The following PRUNE2 variants were observed in gnomAD, a reference collection of about 807,000 sequenced individuals.
PRUNE2 encodes prune homolog 2 with BCH domain, also known as protein prune homolog 2.
PRUNE2 carries 164 observed loss-of-function variants against 252.0 expected under a neutral mutation model. The observed-to-expected ratio is 0.65, with a 90% CI of 0.57 to 0.74. The LOEUF is 0.74. PRUNE2 is among the 30% of genes least tolerant of loss of function. The pLI, the probability that PRUNE2 is intolerant of heterozygous loss-of-function variation, is 0.00. For missense variants in PRUNE2, 3,495 were observed against 3,711.0 expected (o/e 0.94, Z 1.51); for synonymous variants, 1,292 against 1,350.2 (o/e 0.96, Z 0.94).
chr9:76,627,566 G>A (rs1212362600), intron 16 of PRUNE2, among the ~76,000 whole-genome samples: 2 of 152,130 alleles, frequency 1.3e-5, no homozygotes, highest in African/African-American at 4.8e-5. Context: ...TGAACACTCC[G>A]TTTGATTCAG....
chr9:76,626,742 CTG>C (rs1213102198), intron 16 of PRUNE2, among the ~76,000 whole-genome samples: 1 of 152,212 alleles, frequency 6.6e-6, no homozygotes, highest in Admixed American at 6.5e-5. Context: ...ATTGCGAACT[CTG>C]TGCTGGGAGG....
chr9:76,649,356 TATC>T (rs3048256), intron 11 of PRUNE2, among the ~76,000 whole-genome samples: 93,120 of 151,588 alleles, frequency 0.61, 28,965 homozygotes, highest in African/African-American at 0.71. Flanking sequence ...AATTTGTTCC[TATC>T]ATCTATTAAA....
At position 76,886,600 on chromosome 9, in the gene PRUNE2, C is replaced by G. The variant is rs559441468; in HGVS notation, c.36+19328G>C. Among the ~76,000 whole-genome samples the G allele has an allele frequency of 3.9e-5, 6 of 152,314 alleles. No homozygotes were observed. In the East Asian group the frequency reaches 1.2e-3, roughly 29 times the overall value. ...TGGAATTTCCCAGCAAACCACACAA[C>G]TTCCCCACCCAAACAAGCCCCAAAT... is the stretch of plus-strand genomic sequence containing the variant. On this transcript the variant is annotated intron_variant, in intron 1 of 18. Transcript: ENST00000376718.
rs981445596 is a variant in PRUNE2, at chr9:76,710,871, G to C, written c.1403C>G (p.Ser468Cys). 1 of 1,543,260 alleles carries C rather than the reference G, an allele frequency of 6.5e-7. No individual in the cohort carries two copies. The highest frequency in any genetic ancestry group is 1.4e-5 in the African/African-American group (1 of 72,724). The change falls in exon 8 of 19, where the codon TCC becomes TGC. Residue 468 changes from serine to cysteine, a missense_variant. By Grantham distance (112) the Ser-to-Cys change is moderately radical. Coordinates refer to ENST00000376718, the MANE Select transcript of PRUNE2 (RefSeq NM_015225.3). Reference protein sequence around the residue: ...PHHTLLPGLDSYSPIPEGAVA... With the variant: ...PHHTLLPGLDCYSPIPEGAVA... ...CGCCCCTTCAGGGATGGGGCTGTAG[G>C]AGTCAAGCCCTGGGAGAAGGGTGTG...
intron 10 of PRUNE2, among the ~76,000 whole-genome samples, chr9:76,654,246 T>C (rs905585293): frequency 2.0e-5 from 3 of 152,328 alleles, no homozygotes; most frequent in Middle Eastern, 3.4e-3. Context: ...ACGAAATATT[T>C]TGAAGACCAT....
chr9:76,689,127 T>A (rs520365), intron 9 of PRUNE2, among the ~76,000 whole-genome samples: 1 of 151,966 alleles, frequency 6.6e-6, no homozygotes, highest in Admixed American at 6.5e-5. Flanking sequence ...CTCCCCACAC[T>A]AGAGTGAGGA....
chr9:76,633,463 C>G (rs1427974870), intron 15 of PRUNE2, among the ~76,000 whole-genome samples: 2 of 151,768 alleles, frequency 1.3e-5, no homozygotes, highest in Non-Finnish European at 2.9e-5. Context: ...TATCTGTGGT[C>G]CCAGCTACTT....
intron 1 of PRUNE2, among the ~76,000 whole-genome samples, chr9:76,870,179 C>T (rs1489419787): frequency 6.6e-6 from 1 of 151,822 alleles, no homozygotes; most frequent in East Asian, 1.9e-4. Context: ...AATAAAAATG[C>T]ATCGGATCAC....
At position 76,800,542 on chromosome 9, in the gene PRUNE2, C is replaced by T. The variant is rs553030411; in HGVS notation, c.756+23090G>A. Among the ~76,000 whole-genome samples the T allele has an allele frequency of 2.0e-5, 3 of 152,296 alleles. No homozygotes were observed. In the East Asian group the frequency reaches 5.8e-4, roughly 29 times the overall value. ...TAAAAGATCCAGATTAATTTTCCAA[C>T]TCTTCTTTTTCACCTTTAATTGTCA... On this transcript the variant is annotated intron_variant, in intron 6 of 18. Transcript: ENST00000376718.
intron 1 of PRUNE2, among the ~76,000 whole-genome samples, chr9:76,894,838 GATGAAACCCCGTCT>G (rs1278335632): frequency 5.9e-5 from 9 of 151,962 alleles, no homozygotes; most frequent in Non-Finnish European, 1.3e-4. Context: ...TGTCCAACAT[GATGAAACCCCGTCT>G]CTGCTAAAGA....
rs2046568146 is a variant in PRUNE2 at position 76,709,642 on chromosome 9, C to G, written c.2632G>C (p.Ala878Pro). The change falls in exon 8 of 19, where the codon GCA becomes CCA. Residue 878 changes from alanine (A) to proline (P), a missense_variant. Transcript: ENST00000376718. ...KNNDSRDHIF[A>P]PGNPSSDLDH... is the part of the protein sequence containing the mutation. Reference sequence around the variant, plus strand: ...AGATCAGAACTGGGATTTCCAGGTGCAAAGATGTGATCCCTGGAGTCATTG... The same window carrying G: ...AGATCAGAACTGGGATTTCCAGGTGGAAAGATGTGATCCCTGGAGTCATTG... 6.2e-7 allele frequency: 1 copy of G among 1,613,846 alleles called. No individual in the cohort carries two copies. The highest frequency in any genetic ancestry group is 8.5e-7 in the Non-Finnish European group (1 of 1,179,900).
chr9:76,761,357 G>A (rs2130733082), intron 6 of PRUNE2, among the ~76,000 whole-genome samples: 1 of 152,164 alleles, frequency 6.6e-6, no homozygotes, highest in Non-Finnish European at 1.5e-5. Context: ...GCATCTGTGA[G>A]GAACAGTCAC....
At chr9:76,734,817 G>A (rs1241981262) in intron 6 of PRUNE2, among the ~76,000 whole-genome samples, 1 of 152,198 alleles carries the variant, frequency 6.6e-6, no homozygotes, top group African/African-American at 2.4e-5. Flanking sequence ...GGAATAACAT[G>A]TGACCTGAGC....
At position 76,703,494 on chromosome 9, in the gene PRUNE2, C is replaced by A. The variant is rs1338627739; in HGVS notation, c.8119G>T (p.Ala2707Ser). The A allele has an allele frequency of 6.8e-6, 11 of 1,613,586 alleles. No homozygotes were observed. Among genetic ancestry groups the A allele is most frequent in the Middle Eastern group, 3.3e-4 (2 of 6,084 alleles). The change falls in exon 9 of 19, where the codon GCT becomes TCT. Residue 2707 changes from alanine to serine, a missense_variant. Transcript: ENST00000376718. ...TGCAACGTAACTGCATCCGGGCCAGCCCTGCCTCGGCTCTTACTCTTCTGT... is the reference window on the plus strand; with the variant it reads ...TGCAACGTAACTGCATCCGGGCCAGACCTGCCTCGGCTCTTACTCTTCTGT... ...QSQKSKSRGR[A>S]GPDAVTLQAV... is the part of the protein sequence containing the mutation.
intron 16 of PRUNE2, among the ~76,000 whole-genome samples, chr9:76,628,709 A>G (rs1564368178): frequency 6.6e-6 from 1 of 152,250 alleles, no homozygotes. Context: ...AGAGGATCTA[A>G]AAGAACACAA....
At position 76,614,372 on chromosome 9, in the gene PRUNE2, G is replaced by A. The variant is rs1184917247; in HGVS notation, c.*198C>T. On this transcript the variant is annotated 3_prime_UTR_variant, in exon 19 of 19. Coordinates refer to ENST00000376718, the MANE Select transcript of PRUNE2 (RefSeq NM_015225.3). ...ACTAAAATCTTTGAGGCACATAATTGGCAAAATAGGAAAGTACACACAATT... is the reference window on the plus strand; with the variant it reads ...ACTAAAATCTTTGAGGCACATAATTAGCAAAATAGGAAAGTACACACAATT... The A allele has an allele frequency of 1.7e-6, 1 of 599,038 alleles. No homozygotes were observed. Among genetic ancestry groups the A allele is most frequent in the Non-Finnish European group, 2.9e-6 (1 of 340,564 alleles). The allele number at this position is 599,038 out of a possible 1,614,324, so 37.1% of individuals were successfully genotyped here. A position where few individuals can be genotyped will look rare whatever the true frequency, so the allele number is the denominator to read the frequency against.
chr9:76,627,824 C>T (rs886121045), intron 16 of PRUNE2: 4 of 417,610 alleles, frequency 9.6e-6, no homozygotes, highest in African/African-American at 6.2e-5. Context: ...TACTAAGTTA[C>T]GTCCCCTGCA....
rs34146592 is a variant in PRUNE2 at position 76,870,376 on chromosome 9, A to G, written c.37-16168T>C. Among the ~76,000 whole-genome samples the G allele has an allele frequency of 6.5e-3, 980 of 151,418 alleles. 10 individuals carry two copies. The highest frequency in any genetic ancestry group is 0.023 in the African/African-American group (929 of 41,254). On this transcript the variant is annotated intron_variant, in intron 1 of 18. Coordinates refer to ENST00000376718, the MANE Select transcript of PRUNE2 (RefSeq NM_015225.3). ...TTTAGAGCCTCAGAGTGGAAAGGAGAGAGAACATGCTAAAAAAAAAATCCT... is the reference window on the plus strand; with the variant it reads ...TTTAGAGCCTCAGAGTGGAAAGGAGGGAGAACATGCTAAAAAAAAAATCCT...
rs748511182 is a variant in PRUNE2 at position 76,850,672 on chromosome 9, A to C, written c.142-7T>G. 6.2e-7 allele frequency: 1 copy of C among 1,603,618 alleles called. No homozygotes were observed. The highest frequency in any genetic ancestry group is 8.5e-7 in the Non-Finnish European group (1 of 1,172,204). On this transcript the variant is annotated splice_polypyrimidine_tract_variant and splice_region_variant and intron_variant, in intron 2 of 18. Transcript: ENST00000376718. ...GAACCCCTGGTGGACTGACCTACCA[A>C]GAAAAAAGTTGACTGAATTACTGAA... is the stretch of plus-strand genomic sequence containing the variant.
Sources: gnomAD v4.1 joint callset for allele counts (sites outside exome capture counted in the v4.1 genomes callset) on GRCh38, gnomAD v4.1.1 for gene constraint, MANE v1.5 for transcripts, NCBI Gene and HGNC (gene_info 2026-07-23, HGNC 2026-07-21) for gene names.